Variants in PDE4D observed in about 807,000 individuals in gnomAD.
PDE4D encodes the protein phosphodiesterase 4D, also known as 3',5'-cyclic-AMP phosphodiesterase 4D.
A neutral mutation model predicts 87.4 loss-of-function variants in PDE4D; 24 were observed. The ratio of observed to expected loss-of-function variants is 0.27; its 90% CI spans 0.20 to 0.39. PDE4D has a LOEUF of 0.39. PDE4D is among the 10% of genes least tolerant of loss of function. The pLI is 1.00. For synonymous variants in PDE4D, 384 were observed against 383.2 expected (o/e 1.00, Z -0.02); for missense variants, 714 against 1,041.0 (o/e 0.69, Z 4.32).
At chr5:59,687,875 T>A (rs547887041) in intron 1 of PDE4D, among the ~76,000 whole-genome samples, 2 of 152,060 alleles carry the variant, frequency 1.3e-5, no homozygotes, top group East Asian at 3.9e-4. Context: ...GGAAGGAAGA[T>A]CTACCAAGCA....
At chr5:59,438,805 C>T (rs1797161606) in intron 1 of PDE4D, among the ~76,000 whole-genome samples, 1 of 151,586 alleles carries the variant, frequency 6.6e-6, no homozygotes, top group Non-Finnish European at 1.5e-5. Context: ...GAAAAAAAAA[C>T]AAATAATAGA....
At chr5:59,366,425 T>C (rs1037095142) in intron 1 of PDE4D, among the ~76,000 whole-genome samples, 1 of 152,204 alleles carries the variant, frequency 6.6e-6, no homozygotes, top group African/African-American at 2.4e-5. Flanking sequence ...TTATGAGTTA[T>C]CCAAATCAAT....
chr5:60,308,659 T>A (rs543296867), intron 1 of PDE4D, among the ~76,000 whole-genome samples: 29 of 152,302 alleles, frequency 1.9e-4, no homozygotes, highest in Admixed American at 3.3e-4. Context: ...CTCCAAAGAA[T>A]GTTCCACTCT....
chr5:60,301,819 T>C (rs1753923315), intron 1 of PDE4D, among the ~76,000 whole-genome samples: 1 of 152,208 alleles, frequency 6.6e-6, no homozygotes, highest in Admixed American at 6.5e-5. Context: ...TTGTCATATA[T>C]GGCTCTTATT....
At chr5:59,844,218 A>G (rs1027421024) in intron 1 of PDE4D, among the ~76,000 whole-genome samples, 2 of 152,106 alleles carry the variant, frequency 1.3e-5, no homozygotes, top group Non-Finnish European at 2.9e-5. Context: ...TTATTATAAG[A>G]GAATACATAT....
chr5:59,793,231 A>G (rs145307590), intron 1 of PDE4D, among the ~76,000 whole-genome samples: 22 of 152,342 alleles, frequency 1.4e-4, no homozygotes, highest in Non-Finnish European at 2.5e-4. Flanking sequence ...CCAGCTGTGA[A>G]TACCACAAAC....
chr5:60,476,916 A>T (rs966126376), intron 1 of PDE4D, among the ~76,000 whole-genome samples: 1 of 152,172 alleles, frequency 6.6e-6, no homozygotes, highest in Non-Finnish European at 1.5e-5. Context: ...TTAGATTATA[A>T]ACTCTAGGAT....
At chr5:59,088,669 A>C (rs1768158474) in intron 5 of PDE4D, among the ~76,000 whole-genome samples, 1 of 152,208 alleles carries the variant, frequency 6.6e-6, no homozygotes, top group Admixed American at 6.5e-5. Context: ...ATGGAGCTGG[A>C]GGCCAATATC....
intron 5 of PDE4D, among the ~76,000 whole-genome samples, chr5:59,053,655 G>GTTTTTTTTTTTTTT (rs1367942598): frequency 6.7e-5 from 5 of 74,896 alleles, no homozygotes; most frequent in African/African-American, 2.7e-4. Flanking sequence ...GTTTTTTTTT[G>GTTTTTTTTTTTTTT]TTGTTGTTTT....
chr5:59,938,131 C>T lies in PDE4D; in HGVS notation c.272+50357G>A, dbSNP rs1756803768. Among the ~76,000 whole-genome samples the T allele has an allele frequency of 1.3e-5, 2 of 152,196 alleles. 1 individual carries two copies. Among genetic ancestry groups the T allele is most frequent in the South Asian group, 4.1e-4 (2 of 4,834 alleles). ...GAGAAAATAGGCTAAATTGTATTGA[C>T]TACGTGCTATTAGCTTCTAGGGACA... On this transcript the variant is annotated intron_variant, in intron 3 of 16. Coordinates refer to the PDE4D transcript ENST00000502484.
intron 6 of PDE4D, among the ~76,000 whole-genome samples, chr5:59,035,476 C>T (rs774991495): frequency 3.3e-5 from 5 of 152,050 alleles, no homozygotes; most frequent in East Asian, 3.9e-4. Flanking sequence ...AAATTACAAC[C>T]GAATGGTAAA....
intron 2 of PDE4D, among the ~76,000 whole-genome samples, chr5:60,135,997 T>C (rs1201181985): frequency 6.6e-6 from 1 of 152,180 alleles, no homozygotes; most frequent in African/African-American, 2.4e-5. Context: ...GGGAAACTTG[T>C]AATTTTTCAT....
intron 1 of PDE4D, among the ~76,000 whole-genome samples, chr5:60,367,437 G>A (rs1370625986): frequency 6.9e-5 from 10 of 144,780 alleles, no homozygotes; most frequent in Non-Finnish European, 9.0e-5. Context: ...GACAACAAGA[G>A]CGAAACTCCA....
intron 1 of PDE4D, among the ~76,000 whole-genome samples, chr5:59,748,341 C>T (rs1184772010): frequency 2.6e-5 from 4 of 152,138 alleles, no homozygotes; most frequent in African/African-American, 7.2e-5. Context: ...GCTATAAAGA[C>T]ACATGCACAT....
intron 1 of PDE4D, among the ~76,000 whole-genome samples, chr5:59,261,544 G>A (rs566655245): frequency 1.3e-5 from 2 of 151,910 alleles, no homozygotes; most frequent in African/African-American, 4.8e-5. Flanking sequence ...AAGATTATCT[G>A]TAAAGACAGA....
intron 1 of PDE4D, among the ~76,000 whole-genome samples, chr5:59,444,685 G>A (rs1798101979): frequency 1.3e-5 from 2 of 152,094 alleles, no homozygotes; most frequent in Non-Finnish European, 2.9e-5. Flanking sequence ...GATGTCAGGT[G>A]CCTGTAGTCC....
chr5:59,394,827 A>C (rs944741154), intron 1 of PDE4D, among the ~76,000 whole-genome samples: 1 of 152,180 alleles, frequency 6.6e-6, no homozygotes, highest in Non-Finnish European at 1.5e-5. Context: ...TACTGGGTTC[A>C]TCTCACTAGG....
At chr5:59,962,445 T>C (rs1285897593) in intron 3 of PDE4D, among the ~76,000 whole-genome samples, 49 of 152,026 alleles carry the variant, frequency 3.2e-4, no homozygotes, top group Admixed American at 3.2e-3. Context: ...AATACAAGTA[T>C]GTAAGATTAG....
At chr5:59,094,170 A>C (rs1769256620) in intron 5 of PDE4D, among the ~76,000 whole-genome samples, 1 of 132,154 alleles carries the variant, frequency 7.6e-6, no homozygotes. Context: ...GTGAGCCAAG[A>C]TTATGCCACT....
Sources: allele counts gnomAD v4.1 joint callset (sites outside exome capture counted in the v4.1 genomes callset), GRCh38; gene constraint gnomAD v4.1.1; transcripts MANE v1.5; gene names NCBI Gene and HGNC (gene_info 2026-07-23, HGNC 2026-07-21).